ZFPM2: variants seen among roughly 807,000 people sequenced by gnomAD.
ZFPM2 encodes the protein zinc finger protein, FOG family member 2.
A neutral mutation model predicts 98.6 loss-of-function variants in ZFPM2; 20 were observed. The ratio of observed to expected loss-of-function variants is 0.20; its 90% CI spans 0.14 to 0.29. ZFPM2 has a LOEUF of 0.29. Ranked by LOEUF, ZFPM2 falls within the 10% of genes least tolerant of loss-of-function variation. The pLI, the probability that ZFPM2 is intolerant of heterozygous loss-of-function variation, is 1.00. For synonymous variants in ZFPM2, 518 were observed against 502.7 expected (o/e 1.03, Z -0.41); for missense variants, 1,310 against 1,388.6 (o/e 0.94, Z 0.90).
chr8:105,737,677 G>A (rs1416193626), intron 5 of ZFPM2: 3 of 152,210 alleles, frequency 2.0e-5, no homozygotes, highest in African/African-American at 2.4e-5. Context: ...ACCAATCTTG[G>A]GGGTGAGAGC....
chr8:105,639,782 C>T lies in ZFPM2; in HGVS notation c.532+5425C>T, dbSNP rs1017134745. Among the ~76,000 whole-genome samples, 6 of 151,928 alleles carry T rather than the reference C, an allele frequency of 3.9e-5. No individual in the cohort carries two copies. In the East Asian group the frequency reaches 5.8e-4, roughly 15 times the overall value. On this transcript the variant is annotated intron_variant, in intron 5 of 7. Transcript: ENST00000407775. ...GTTGGTATCAAGCATATAGTGATATCGTATTTATAGCGAAGACTTCTACAA... is the reference window on the plus strand; with the variant it reads ...GTTGGTATCAAGCATATAGTGATATTGTATTTATAGCGAAGACTTCTACAA...
chr8:105,544,224 G>A (rs879797675), intron 3 of ZFPM2, among the ~76,000 whole-genome samples: 2 of 152,146 alleles, frequency 1.3e-5, no homozygotes, highest in Non-Finnish European at 2.9e-5. Context: ...GTCAGTTCTA[G>A]TATGGGTGTT....
chr8:105,791,418 C>A (rs1039982873), intron 6 of ZFPM2, among the ~76,000 whole-genome samples: 2 of 151,860 alleles, frequency 1.3e-5, no homozygotes, highest in African/African-American at 4.8e-5. Context: ...ATTGAACCAG[C>A]CTTGCATCCC....
At chr8:105,483,568 T>G (rs1813166624) in intron 3 of ZFPM2, among the ~76,000 whole-genome samples, 1 of 149,906 alleles carries the variant, frequency 6.7e-6, no homozygotes, top group South Asian at 2.1e-4. Flanking sequence ...CCAGCCTGGG[T>G]GACAAAGTGG....
chr8:105,427,979 A>T (rs1391209323), intron 2 of ZFPM2, among the ~76,000 whole-genome samples: 2 of 152,224 alleles, frequency 1.3e-5, no homozygotes, highest in Admixed American at 1.3e-4. Context: ...CCTACACGGT[A>T]GATGCTGTTT....
intron 3 of ZFPM2, among the ~76,000 whole-genome samples, chr8:105,485,793 A>G (rs1419249627): frequency 6.6e-6 from 1 of 152,190 alleles, no homozygotes; most frequent in Non-Finnish European, 1.5e-5. Context: ...TTTGATAGTT[A>G]AGGAAGGATA....
intron 4 of ZFPM2, among the ~76,000 whole-genome samples, chr8:105,566,979 A>C (rs1815256086): frequency 6.6e-6 from 1 of 152,176 alleles, no homozygotes; most frequent in South Asian, 2.1e-4. Context: ...ATAATGAAAT[A>C]ATGCATGTAT....
At chr8:105,700,915 C>T (rs981805268) in intron 5 of ZFPM2, among the ~76,000 whole-genome samples, 50 of 152,240 alleles carry the variant, frequency 3.3e-4, no homozygotes, top group African/African-American at 1.1e-3. Context: ...TAATATGACA[C>T]CACATTTTTA....
chr8:105,549,690 T>A (rs1814805285), intron 3 of ZFPM2, among the ~76,000 whole-genome samples: 1 of 151,562 alleles, frequency 6.6e-6, no homozygotes, highest in South Asian at 2.1e-4. Context: ...CCGTTCACTG[T>A]AGCCTCCAAC....
intron 5 of ZFPM2, among the ~76,000 whole-genome samples, chr8:105,704,746 G>A (rs1264846368): frequency 1.3e-5 from 2 of 152,166 alleles, no homozygotes; most frequent in Non-Finnish European, 2.9e-5. Flanking sequence ...TAGATAAGAT[G>A]TGCTGCCTCA....
chr8:105,527,468 A>G (rs770584515), intron 3 of ZFPM2, among the ~76,000 whole-genome samples: 6 of 152,220 alleles, frequency 3.9e-5, no homozygotes, highest in Non-Finnish European at 8.8e-5. Flanking sequence ...TATAGAGAAA[A>G]GAGCAGATTT....
At chr8:105,667,778 T>A (rs1817517467) in intron 5 of ZFPM2, among the ~76,000 whole-genome samples, 1 of 152,228 alleles carries the variant, frequency 6.6e-6, no homozygotes, top group Non-Finnish European at 1.5e-5. Context: ...TCACTTTTTT[T>A]GTTTTAAAAG....
intron 3 of ZFPM2, among the ~76,000 whole-genome samples, chr8:105,526,395 A>G (rs1162978346): frequency 6.6e-6 from 1 of 152,194 alleles, no homozygotes; most frequent in Non-Finnish European, 1.5e-5. Flanking sequence ...ACTTTGAAGA[A>G]AATGCAAGAA....
intron 5 of ZFPM2, among the ~76,000 whole-genome samples, chr8:105,688,423 C>A (rs376384998): frequency 1.3e-5 from 2 of 151,920 alleles, no homozygotes; most frequent in South Asian, 4.2e-4. Context: ...TGGTTTTATT[C>A]AAATAAAAAA....
In ZFPM2 at chr8:105,798,873, C is replaced by A. The variant is rs1813914685; in HGVS notation, c.889C>A (p.Leu297Met). Residue 297 changes from leucine (L) to methionine (M), a missense_variant, in exon 7 of 8, where the codon CTG becomes ATG. Leu to Met is a conservative substitution (Grantham distance 15, BLOSUM62 2). Coordinates refer to ENST00000407775, the MANE Select transcript of ZFPM2 (RefSeq NM_012082.4). ...NEDSAHQISS[L>M]CPFPQCTKSF... The stretch of plus-strand genomic sequence containing the variant: ...AGACAGTGCCCATCAGATTTCCAGC[C>A]TGTGCCCCTTCCCACAGTGCACCAA... The A allele has an allele frequency of 1.2e-6, 2 of 1,613,974 alleles. No homozygotes were observed. Among genetic ancestry groups the A allele is most frequent in the East Asian group, 4.5e-5 (2 of 44,876 alleles).
chr8:105,703,478 G>A (rs1007272864), intron 5 of ZFPM2, among the ~76,000 whole-genome samples: 1 of 152,128 alleles, frequency 6.6e-6, no homozygotes, highest in Non-Finnish European at 1.5e-5. Context: ...AAGGGCAATC[G>A]AGGTACACAA....
chr8:105,466,146 ATATTT>A (rs1335466605), intron 3 of ZFPM2, among the ~76,000 whole-genome samples: 1 of 152,008 alleles, frequency 6.6e-6, no homozygotes, highest in Non-Finnish European at 1.5e-5. Context: ...TTAATTTTTA[ATATTT>A]TAATATGAAT....
intron 5 of ZFPM2, among the ~76,000 whole-genome samples, chr8:105,759,463 C>G (rs779284546): frequency 7.8e-4 from 119 of 152,132 alleles, no homozygotes; most frequent in Non-Finnish European, 1.2e-3. Context: ...AATCCCATCT[C>G]TTTTTCTAAG....
intron 5 of ZFPM2, among the ~76,000 whole-genome samples, chr8:105,664,701 G>A (rs1257513434): frequency 6.6e-6 from 1 of 151,982 alleles, no homozygotes; most frequent in Non-Finnish European, 1.5e-5. Context: ...TTGAAAGATG[G>A]AATTTTATTT....
Sources: gnomAD v4.1 joint callset for allele counts (sites outside exome capture counted in the v4.1 genomes callset) on GRCh38, gnomAD v4.1.1 for gene constraint, MANE v1.5 for transcripts, NCBI Gene and HGNC (gene_info 2026-07-23, HGNC 2026-07-21) for gene names.